The following ATP10D variants were observed in gnomAD, a reference collection of about 807,000 sequenced individuals.
ATP10D encodes the protein phospholipid-transporting ATPase VD.
A neutral mutation model predicts 144.8 loss-of-function variants in ATP10D; 89 were observed. The observed-to-expected ratio is 0.61, with a 90% CI of 0.52 to 0.73. The LOEUF (loss-of-function observed/expected upper bound fraction) is 0.73. Among genes scored for constraint, ATP10D ranks in the 30% least tolerant of loss-of-function variants. The probability of loss-of-function intolerance (pLI) is 0.00; values close to 1 mark genes in which losing one functional copy is unlikely to be tolerated. For missense variants in ATP10D, 1,603 were observed against 1,714.8 expected (o/e 0.93, Z 1.15); for synonymous variants, 571 against 615.1 (o/e 0.93, Z 1.06).
chr4:47,532,685 TC>T (rs1158454097), intron 5 of ATP10D, among the ~76,000 whole-genome samples: 1 of 152,226 alleles, frequency 6.6e-6, no homozygotes, highest in Non-Finnish European at 1.5e-5. Flanking sequence ...AAGCTACCTG[TC>T]TATATGACAC....
At chr4:47,560,841 G>A in intron 13 of ATP10D, 108 bp from the exon 14 acceptor site, 1 of 1,365,570 alleles carries the variant, frequency 7.3e-7, no homozygotes. Context: ...CCAGAGGGAG[G>A]AATATGTAAA....
chr4:47,580,584 C>A, intron 20 of ATP10D, 106 bp downstream of exon 20: 1 of 977,548 alleles, frequency 1.0e-6, no homozygotes. Flanking sequence ...CTCATATAAT[C>A]AGGTTGATTA....
In ATP10D at chr4:47,558,934, C is replaced by A. The variant is rs1200800874; in HGVS notation, c.2446C>A (p.Leu816Met). Reference sequence around the variant, plus strand: ...GTCCATTATTTCAGATGGAGCAAGTCTGGAGAAACAACAGATGATAGTAAG... The same window carrying A: ...GTCCATTATTTCAGATGGAGCAAGTATGGAGAAACAACAGATGATAGTAAG... ...LSVASPDGAS[L>M]EKQQMIVREK... The change falls in exon 13 of 23, where the codon CTG becomes ATG. Residue 816 changes from leucine (L) to methionine (M), a missense_variant. Coordinates refer to ENST00000273859, the MANE Select transcript of ATP10D (RefSeq NM_020453.4). 6.2e-7 allele frequency: 1 copy of A among 1,613,260 alleles called. No homozygotes were observed. Among genetic ancestry groups the A allele is most frequent in the Non-Finnish European group, 8.5e-7 (1 of 1,179,668 alleles).
intron 15 of ATP10D, among the ~76,000 whole-genome samples, 192 bp downstream of exon 15, chr4:47,563,957 A>G (rs1008417287): frequency 4.6e-5 from 7 of 152,110 alleles, no homozygotes; most frequent in East Asian, 1.9e-4. Context: ...CAGTGGTGCA[A>G]TATCTTGGCT....
chr4:47,542,666 A>G (rs1386596531), intron 9 of ATP10D, among the ~76,000 whole-genome samples: 2 of 149,316 alleles, frequency 1.3e-5, no homozygotes, highest in Non-Finnish European at 3.0e-5. Context: ...TTTAGTAGAG[A>G]TGGGGTTTCG....
chr4:47,578,637 G>A (rs1213214937), intron 19 of ATP10D, among the ~76,000 whole-genome samples: 2 of 152,088 alleles, frequency 1.3e-5, no homozygotes, highest in Non-Finnish European at 2.9e-5. Context: ...TCCCTAAGTG[G>A]TTCTCTCTTG....
chr4:47,558,890 G>T (rs1253337025), intron 12 of ATP10D, 33 bp from the exon 13 acceptor site: 2 of 1,524,104 alleles, frequency 1.3e-6, no homozygotes, highest in Non-Finnish European at 1.8e-6. Flanking sequence ...TGGCAGACTG[G>T]TAGGAACTCA....
chr4:47,564,903 G>A (rs1248617395), intron 15 of ATP10D, among the ~76,000 whole-genome samples: 1 of 152,150 alleles, frequency 6.6e-6, no homozygotes, highest in East Asian at 1.9e-4. Flanking sequence ...TTTTCTTCAG[G>A]ATCACTTCTT....
At chr4:47,495,910 T>C (rs551290554) in intron 1 of ATP10D, among the ~76,000 whole-genome samples, 58 of 151,928 alleles carry the variant, frequency 3.8e-4, no homozygotes, top group African/African-American at 1.4e-3. Flanking sequence ...GCTAATTTTG[T>C]ATTTTTAGTA....
At chr4:47,544,396 G>C (rs73813582) in intron 9 of ATP10D, among the ~76,000 whole-genome samples, 1 of 152,182 alleles carries the variant, frequency 6.6e-6, no homozygotes, top group African/African-American at 2.4e-5. Context: ...TATGTAAATA[G>C]AAAGGACGCA....
In ATP10D at chr4:47,543,827, T is replaced by A. The variant is rs574795347; in HGVS notation, c.1397-2797T>A. Among the ~76,000 whole-genome samples the A allele has an allele frequency of 4.1e-3, 512 of 124,238 alleles. 3 individuals carry two copies. The highest frequency in any genetic ancestry group is 7.4e-3 in the Non-Finnish European group (428 of 57,674). The allele number at this position is 124,238 out of a possible 152,430, so 81.5% of individuals were successfully genotyped here. ...GATAAAAAGGAAATAGGTATACATA[T>A]ATATTATGTACACACACACACACAC... On this transcript the variant is annotated intron_variant, in intron 9 of 22. Transcript: ENST00000273859.
rs5858077 is a variant in ATP10D at position 47,535,317 on chromosome 4, T to TAA, written c.777-180_777-179dup. 6.0e-3 allele frequency among the ~76,000 whole-genome samples: 855 copies of TAA among 141,366 alleles called. 3 individuals carry two copies. The highest frequency in any genetic ancestry group is 0.015 in the African/African-American group (576 of 37,754). The allele number at this position is 141,366 out of a possible 152,430, so 92.7% of individuals were successfully genotyped here. On this transcript the variant is annotated intron_variant, in intron 5 of 22. Coordinates refer to ENST00000273859, the MANE Select transcript of ATP10D (RefSeq NM_020453.4). Reference sequence around the variant, plus strand: ...CGTGTACCACCTGAACCTAAAAGTCTAAAAAAAAAAAAAGAAACAAAAAAC... The same window carrying TAA: ...CGTGTACCACCTGAACCTAAAAGTCTAAAAAAAAAAAAAAAGAAACAAAAAAC...
chr4:47,539,050 G>C (rs963316337), intron 9 of ATP10D, among the ~76,000 whole-genome samples: 1 of 152,068 alleles, frequency 6.6e-6, no homozygotes, highest in Non-Finnish European at 1.5e-5. Flanking sequence ...CTACCACGGG[G>C]GACAGGACTA....
chr4:47,554,785 G>A lies in ATP10D; in HGVS notation c.1695G>A (p.Arg565=), dbSNP rs1237751848. 1.2e-5 allele frequency: 20 copies of A among 1,613,962 alleles called. No homozygotes were observed. The highest frequency in any genetic ancestry group is 1.5e-5 in the Non-Finnish European group (18 of 1,179,940). ...ACAAATTTAGTCAGATTACACCTCG[G>A]CTCTTTATGCCACTAGATGAGACCA... The part of the protein sequence containing the change: ...LLDKFSQITP[R]LFMPLDETIQ... The change falls in exon 11 of 23, where the codon CGG becomes CGA. Residue 565 remains arginine, a synonymous_variant. Transcript: ENST00000273859.
intron 3 of ATP10D, among the ~76,000 whole-genome samples, chr4:47,522,008 A>G (rs1430921577): frequency 2.6e-5 from 4 of 152,186 alleles, no homozygotes; most frequent in Non-Finnish European, 5.9e-5. Context: ...ATTGCTATTT[A>G]ATCTGATGAA....
At chr4:47,574,993 C>T (rs990109516) in intron 18 of ATP10D, among the ~76,000 whole-genome samples, 4 of 151,566 alleles carry the variant, frequency 2.6e-5, no homozygotes, top group Non-Finnish European at 5.9e-5. Context: ...GTTTTTTTTG[C>T]GGGGGGAGAG....
At chr4:47,559,707 A>G (rs1464266592) in intron 13 of ATP10D, among the ~76,000 whole-genome samples, 1 of 152,182 alleles carries the variant, frequency 6.6e-6, no homozygotes, top group African/African-American at 2.4e-5. Context: ...AACCAGCTGC[A>G]TAAGGAATCA....
intron 19 of ATP10D, among the ~76,000 whole-genome samples, chr4:47,578,120 T>TA (rs1432145974): frequency 2.6e-5 from 4 of 152,350 alleles, no homozygotes; most frequent in Middle Eastern, 3.4e-3. Flanking sequence ...TGGCCAGTTA[T>TA]ATAAAACATG....
At position 47,591,468 on chromosome 4, in the gene ATP10D, T is replaced by G. The variant is rs1432753338; in HGVS notation, c.*87T>G. On this transcript the variant is annotated 3_prime_UTR_variant, in exon 23 of 23. Coordinates refer to ENST00000273859, the MANE Select transcript of ATP10D (RefSeq NM_020453.4). ...CTCTCCAAGCAAGAATGACTTGTTTTTCCATAAGGGACATGAGCATTTTAC... is the reference window on the plus strand; with the variant it reads ...CTCTCCAAGCAAGAATGACTTGTTTGTCCATAAGGGACATGAGCATTTTAC... The G allele has an allele frequency of 9.3e-6, 11 of 1,182,140 alleles. No individual in the cohort carries two copies. The highest frequency in any genetic ancestry group is 1.1e-5 in the Non-Finnish European group (9 of 844,200). 73.2% of individuals were successfully genotyped at this position (1,182,140 alleles called of 1,614,324 possible).
Sources: allele counts gnomAD v4.1 joint callset (sites outside exome capture counted in the v4.1 genomes callset), GRCh38; gene constraint gnomAD v4.1.1; transcripts MANE v1.5; gene names NCBI Gene and HGNC (gene_info 2026-07-23, HGNC 2026-07-21).